Variants in RBFOX1 observed in about 807,000 individuals in gnomAD.
The protein encoded by RBFOX1 is RNA binding fox-1 homolog 1, also known as RNA binding protein fox-1 homolog 1.
In RBFOX1, 8 loss-of-function variants were observed where a neutral mutation model predicts 57.7. That is an observed-to-expected ratio of 0.14 (90% confidence interval 0.08 to 0.25). The LOEUF (loss-of-function observed/expected upper bound fraction) is 0.25, where lower values mean the gene tolerates loss of function less well. Ranked by LOEUF, RBFOX1 falls within the 10% of genes least tolerant of loss-of-function variation. The pLI, the probability that RBFOX1 is intolerant of heterozygous loss-of-function variation, is 1.00. For synonymous variants in RBFOX1, 326 were observed against 222.4 expected, an observed-to-expected ratio of 1.47 and a Z score of -4.15; for missense variants, 611 against 548.5, an observed-to-expected ratio of 1.11 and a Z score of -1.14.
chr16:6,584,968 G>A (rs1489675530), intron 2 of RBFOX1, among the ~76,000 whole-genome samples: 1 of 152,182 alleles, frequency 6.6e-6, no homozygotes, highest in Non-Finnish European at 1.5e-5. Flanking sequence ...GAAGATAAAG[G>A]GGAATCAGGC....
chr16:5,792,733 C>T (rs909219990), intron 3 of RBFOX1, among the ~76,000 whole-genome samples: 10 of 152,106 alleles, frequency 6.6e-5, no homozygotes, highest in Admixed American at 2.6e-4. Flanking sequence ...ATCCCAGCTA[C>T]TCAGGAGGCT....
At chr16:5,801,343 T>TTC (rs2055049554) in intron 3 of RBFOX1, among the ~76,000 whole-genome samples, 6 of 149,152 alleles carry the variant, frequency 4.0e-5, no homozygotes, top group African/African-American at 1.5e-4. Context: ...CCCTCTCTCT[T>TTC]TTTTTTTTTT....
intron 4 of RBFOX1, among the ~76,000 whole-genome samples, chr16:7,083,156 T>G (rs7200147): frequency 1.2e-3 from 185 of 152,186 alleles, no homozygotes; most frequent in Middle Eastern, 3.4e-3. Context: ...ATTTAAAACA[T>G]AGAAATAATT....
chr16:5,323,370 A>G (rs1016449151), intron 1 of RBFOX1, among the ~76,000 whole-genome samples: 2 of 152,132 alleles, frequency 1.3e-5, no homozygotes, highest in African/African-American at 4.8e-5. Context: ...CAACGAATTG[A>G]TTTCATGACC....
chr16:6,241,885 G>A lies in RBFOX1; in HGVS notation c.-126-75110G>A, dbSNP rs148493710. 1.2e-3 allele frequency among the ~76,000 whole-genome samples: 187 copies of A among 152,292 alleles called. 2 individuals carry two copies. The highest frequency in any genetic ancestry group is 4.2e-3 in the African/African-American group (175 of 41,566). On this transcript the variant is annotated intron_variant, in intron 1 of 15. Transcript: ENST00000550418. ...CAAAAGCCCAACACATTGACACATG[G>A]ACACTTTTAGGAATGGAAATTCTGC... is the stretch of plus-strand genomic sequence containing the variant.
intron 2 of RBFOX1, among the ~76,000 whole-genome samples, chr16:6,598,418 G>A (rs1208857185): frequency 6.6e-6 from 1 of 152,176 alleles, no homozygotes; most frequent in Non-Finnish European, 1.5e-5. Flanking sequence ...CAAAGTAAAA[G>A]TGTAACCAGT....
chr16:6,648,275 G>C (rs1411832007), intron 2 of RBFOX1, among the ~76,000 whole-genome samples: 1 of 151,666 alleles, frequency 6.6e-6, no homozygotes. Context: ...TTTCCAGGCT[G>C]GTCTTCAACT....
intron 3 of RBFOX1, among the ~76,000 whole-genome samples, chr16:6,895,087 C>G (rs1189411518): frequency 6.6e-6 from 1 of 152,062 alleles, no homozygotes; most frequent in Admixed American, 6.6e-5. Context: ...AATCTAATGA[C>G]TTAAAGAAAT....
intron 11 of RBFOX1, among the ~76,000 whole-genome samples, chr16:7,632,553 A>T (rs926500881): frequency 2.6e-5 from 4 of 152,168 alleles, no homozygotes; most frequent in African/African-American, 9.7e-5. Context: ...ACATTATTCA[A>T]CCTTCAGCTA....
At chr16:5,734,232 G>T (rs1405774679) in intron 3 of RBFOX1, among the ~76,000 whole-genome samples, 1 of 152,140 alleles carries the variant, frequency 6.6e-6, no homozygotes, top group Non-Finnish European at 1.5e-5. Context: ...GAGAGGCTGA[G>T]GTGGGAGTAT....
chr16:6,831,307 C>G (rs72766783), intron 3 of RBFOX1, among the ~76,000 whole-genome samples: 2 of 152,260 alleles, frequency 1.3e-5, no homozygotes, highest in African/African-American at 4.8e-5. Flanking sequence ...ACAGAAACAA[C>G]TTCTTGGACT....
intron 4 of RBFOX1, among the ~76,000 whole-genome samples, chr16:7,157,128 T>A (rs1299306289): frequency 6.6e-6 from 1 of 152,190 alleles, no homozygotes; most frequent in African/African-American, 2.4e-5. Context: ...AAAGCAATCG[T>A]ATTCTCATTG....
chr16:7,487,335 C>T (rs970609817), intron 4 of RBFOX1, among the ~76,000 whole-genome samples: 2 of 152,192 alleles, frequency 1.3e-5, no homozygotes, highest in African/African-American at 4.8e-5. Flanking sequence ...CGCCCTCATA[C>T]TCATCACATG....
chr16:7,435,940 A>G (rs2098718129), intron 4 of RBFOX1, among the ~76,000 whole-genome samples: 1 of 152,228 alleles, frequency 6.6e-6, no homozygotes, highest in Non-Finnish European at 1.5e-5. Context: ...GTACGTCAAC[A>G]TTACTGCAGC....
intron 1 of RBFOX1, among the ~76,000 whole-genome samples, chr16:6,120,626 T>C (rs987601668): frequency 1.3e-5 from 2 of 152,198 alleles, no homozygotes; most frequent in Non-Finnish European, 2.9e-5. Flanking sequence ...CTTGGCTCAG[T>C]GAATATATTA....
At chr16:7,110,728 A>C (rs1022848953) in intron 4 of RBFOX1, among the ~76,000 whole-genome samples, 5 of 152,180 alleles carry the variant, frequency 3.3e-5, no homozygotes, top group African/African-American at 9.7e-5. Flanking sequence ...GCCTAAAAAC[A>C]AGATTTTTGA....
intron 1 of RBFOX1, among the ~76,000 whole-genome samples, chr16:6,235,558 A>ATGTGTGTG (rs3064942): frequency 0.012 from 1,771 of 147,232 alleles, 45 homozygotes; most frequent in African/African-American, 0.042. Context: ...GCGTGTATGT[A>ATGTGTGTG]TGTGTGTGTG....
At chr16:7,465,975 C>G (rs1042500520) in intron 4 of RBFOX1, among the ~76,000 whole-genome samples, 6 of 152,184 alleles carry the variant, frequency 3.9e-5, no homozygotes, top group African/African-American at 1.4e-4. Flanking sequence ...AAGCAGACAT[C>G]TCTCTAACAG....
chr16:7,167,117 C>T (rs1252142094), intron 4 of RBFOX1, among the ~76,000 whole-genome samples: 1 of 151,088 alleles, frequency 6.6e-6, no homozygotes, highest in Non-Finnish European at 1.5e-5. Flanking sequence ...TCCTGAGTAG[C>T]TGAGACTACA....
Sources: gnomAD v4.1 joint callset for allele counts (sites outside exome capture counted in the v4.1 genomes callset) on GRCh38, gnomAD v4.1.1 for gene constraint, MANE v1.5 for transcripts, NCBI Gene and HGNC (gene_info 2026-07-23, HGNC 2026-07-21) for gene names.